The following ANO3 variants were observed in gnomAD, a reference collection of about 807,000 sequenced individuals.
ANO3 encodes anoctamin-3.
ANO3 carries 99 observed loss-of-function variants against 144.8 expected under a neutral mutation model. That is an observed-to-expected ratio of 0.68 (90% CI 0.58 to 0.81). The LOEUF (loss-of-function observed/expected upper bound fraction) is 0.81. Among genes scored for constraint, ANO3 ranks in the 30% least tolerant of loss-of-function variants. The pLI is 0.00. For missense variants in ANO3, 905 were observed against 1,202.2 expected (o/e 0.75, Z 3.66); for synonymous variants, 414 against 392.6 (o/e 1.05, Z -0.64).
chr11:26,599,718 A>C lies in ANO3; in HGVS notation c.1836+4A>C, dbSNP rs894742927. 1 of 1,613,112 alleles carries C rather than the reference A, an allele frequency of 6.2e-7. No individual in the cohort carries two copies. The highest frequency in any genetic ancestry group is 8.5e-7 in the Non-Finnish European group (1 of 1,179,400). On this transcript the variant is annotated splice_donor_region_variant and intron_variant, in intron 17 of 26. Transcript: ENST00000256737. ...AATCATTATGTTGCTGAATCTTGTAAGTGTCTATAATGTTATTCTTCAGTA... is the reference window on the plus strand; with the variant it reads ...AATCATTATGTTGCTGAATCTTGTACGTGTCTATAATGTTATTCTTCAGTA...
intron 4 of ANO3, among the ~76,000 whole-genome samples, chr11:26,504,810 T>G (rs1861352007): frequency 9.8e-5 from 2 of 20,372 alleles, no homozygotes; most frequent in Non-Finnish European, 3.0e-4. Context: ...GATCACAAAG[T>G]CAGGAGATCG....
In ANO3 at chr11:26,662,745, T is replaced by C. The variant is rs938944179; in HGVS notation, c.*2301T>C. ...TGAAAAACAGAAAAAGAAAAAATTG[T>C]CTGAAATGTTTATTTTGCAAAACAG... is the stretch of plus-strand genomic sequence containing the variant. On this transcript the variant is annotated 3_prime_UTR_variant, in exon 27 of 27. Coordinates refer to ENST00000256737, the MANE Select transcript of ANO3 (RefSeq NM_031418.4). 6.6e-6 allele frequency: 1 copy of C among 152,146 alleles called. No homozygotes were observed. Among genetic ancestry groups the C allele is most frequent in the Non-Finnish European group, 1.5e-5 (1 of 67,984 alleles). The allele number at this position is 152,146 out of a possible 1,614,324, so 9.4% of individuals were successfully genotyped here. A position where few individuals can be genotyped will look rare whatever the true frequency, so the allele number is the denominator to read the frequency against.
chr11:26,380,519 A>T (rs568529322), intron 1 of ANO3, among the ~76,000 whole-genome samples: 1 of 152,316 alleles, frequency 6.6e-6, no homozygotes, highest in South Asian at 2.1e-4. Context: ...CTCAGAGATG[A>T]TGCCTTCTTT....
intron 1 of ANO3, among the ~76,000 whole-genome samples, chr11:26,276,311 G>T (rs777090536): frequency 2.6e-4 from 39 of 152,186 alleles, no homozygotes; most frequent in Non-Finnish European, 4.9e-4. Flanking sequence ...AGGAAGATCT[G>T]GGAAAGAACT....
At chr11:26,273,582 G>C (rs1462954962) in intron 1 of ANO3, among the ~76,000 whole-genome samples, 2 of 150,050 alleles carry the variant, frequency 1.3e-5, no homozygotes, top group African/African-American at 4.9e-5. Context: ...GCCTTCACAG[G>C]ATTTACGACA....
chr11:26,506,054 T>A (rs1335079087), intron 4 of ANO3, among the ~76,000 whole-genome samples: 1 of 149,472 alleles, frequency 6.7e-6, no homozygotes, highest in Admixed American at 6.6e-5. Context: ...CAATAATATG[T>A]CATTAGTGAC....
rs60752903 is a variant in ANO3, at chr11:26,587,937, C to CA, written c.1448-10408dup. On this transcript the variant is annotated intron_variant, in intron 14 of 26. Coordinates refer to ENST00000256737, the MANE Select transcript of ANO3 (RefSeq NM_031418.4). ...TGGGTGACAAAGTGAAACTCTGTCTCAAAAAAAAAAAAAAAAAAAAGTACT... is the reference window on the plus strand; with the variant it reads ...TGGGTGACAAAGTGAAACTCTGTCTCAAAAAAAAAAAAAAAAAAAAAGTACT... Among the ~76,000 whole-genome samples, 211 of 116,328 alleles carry CA rather than the reference C, an allele frequency of 1.8e-3. 3 individuals are homozygous for CA. The highest frequency in any genetic ancestry group is 2.6e-3 in the Non-Finnish European group (150 of 56,660). The allele number at this position is 116,328 out of a possible 152,430, so 76.3% of individuals were successfully genotyped here.
At chr11:26,281,209 A>G (rs1853670758) in intron 1 of ANO3, among the ~76,000 whole-genome samples, 1 of 152,244 alleles carries the variant, frequency 6.6e-6, no homozygotes, top group African/African-American at 2.4e-5. Context: ...TACAGATCAT[A>G]AATGACAGTC....
chr11:26,480,194 T>C (rs1355928173), intron 4 of ANO3, among the ~76,000 whole-genome samples: 1 of 152,178 alleles, frequency 6.6e-6, no homozygotes, highest in Non-Finnish European at 1.5e-5. Context: ...TTCCGTGATA[T>C]TCTTCAAACT....
At chr11:26,376,096 T>A (rs1208689095) in intron 1 of ANO3, among the ~76,000 whole-genome samples, 2 of 152,200 alleles carry the variant, frequency 1.3e-5, no homozygotes, top group African/African-American at 4.8e-5. Flanking sequence ...GACTTTAAGA[T>A]ACGTTCAATT....
chr11:26,565,274 A>T, intron 14 of ANO3: 1 of 1,602,714 alleles, frequency 6.2e-7, no homozygotes, highest in Non-Finnish European at 8.5e-7. Context: ...TGAAGCTATC[A>T]CTGTTTGTGG....
rs1411330980 is a variant in ANO3 at position 26,537,457 on chromosome 11, A to C, written c.1028A>C (p.His343Pro). The change falls in exon 10 of 27, where the codon CAT becomes CCT. Residue 343 changes from histidine to proline, a missense_variant. His to Pro is a moderately conservative substitution (Grantham distance 77). Transcript: ENST00000256737. The stretch of plus-strand genomic sequence containing the variant: ...TCATACATAGCAGCGTTTCCACCAC[A>C]TGAGGTAATTTTGAAATACAGTTTC... ...NGSYIAAFPPHEGAYKSSQPI... is the reference protein window; with the variant it reads ...NGSYIAAFPPPEGAYKSSQPI... The C allele has an allele frequency of 6.2e-7, 1 of 1,612,900 alleles. No individual in the cohort carries two copies. The highest frequency in any genetic ancestry group is 2.2e-5 in the East Asian group (1 of 44,874).
At chr11:26,288,513 C>A (rs966522760) in intron 1 of ANO3, among the ~76,000 whole-genome samples, 11 of 152,082 alleles carry the variant, frequency 7.2e-5, no homozygotes, top group African/African-American at 2.7e-4. Context: ...GTTTTTCTGA[C>A]CTTCCCAGAA....
At chr11:26,344,948 ACTTACT>A (rs1309924767) in intron 1 of ANO3, among the ~76,000 whole-genome samples, 1 of 137,686 alleles carries the variant, frequency 7.3e-6, no homozygotes, top group East Asian at 2.4e-4. Context: ...GTTTTATAAA[ACTTACT>A]TTTACATGCT....
chr11:26,545,217 A>T (rs955495500), intron 11 of ANO3, among the ~76,000 whole-genome samples: 1 of 152,022 alleles, frequency 6.6e-6, no homozygotes, highest in African/African-American at 2.4e-5. Flanking sequence ...TGAGAGAAAG[A>T]GGGTGTTCAG....
At chr11:26,598,766 A>C in intron 15 of ANO3, 92 bp from the exon 16 acceptor site, 1 of 1,308,954 alleles carries the variant, frequency 7.6e-7, no homozygotes, top group Non-Finnish European at 1.0e-6. Flanking sequence ...ATACAAAAGT[A>C]GGCCAAATTT....
upstream of ANO3, chr11:26,309,555 CTCT>C: frequency 1.7e-6 from 1 of 596,014 alleles, no homozygotes; most frequent in Non-Finnish European, 2.1e-6. Flanking sequence ...ACATGAAAAG[CTCT>C]TCTTTTCCAT....
chr11:26,388,582 T>G (rs12785352), intron 1 of ANO3, among the ~76,000 whole-genome samples: 18,882 of 152,220 alleles, frequency 0.12, 1,327 homozygotes, highest in Admixed American at 0.19. Context: ...ATTTAAGCCT[T>G]TACAATATAC....
At chr11:26,452,023 G>C (rs1182213088) in intron 3 of ANO3, among the ~76,000 whole-genome samples, 1 of 152,132 alleles carries the variant, frequency 6.6e-6, no homozygotes. Flanking sequence ...TGCAGCTGAG[G>C]GTCCTGTCTG....
Sources: allele counts gnomAD v4.1 joint callset (sites outside exome capture counted in the v4.1 genomes callset), GRCh38; gene constraint gnomAD v4.1.1; transcripts MANE v1.5; gene names NCBI Gene and HGNC (gene_info 2026-07-23, HGNC 2026-07-21).